SLC13A1: variants seen among roughly 807,000 people sequenced by gnomAD.
The protein encoded by SLC13A1 is solute carrier family 13 member 1, also known as Na(+)/sulfate cotransporter.
In SLC13A1, 65 loss-of-function variants were observed where a neutral mutation model predicts 70.0. The observed-to-expected ratio is 0.93, with a 90% CI of 0.76 to 1.14. The LOEUF is 1.14. SLC13A1 is among the 50% of genes most tolerant of loss of function. The pLI, the probability that SLC13A1 is intolerant of heterozygous loss-of-function variation, is 0.00. For synonymous variants in SLC13A1, 275 were observed against 250.5 expected, an observed-to-expected ratio of 1.10 and a Z score of -0.92; for missense variants, 726 against 717.8, an observed-to-expected ratio of 1.01 and a Z score of -0.13.
chr7:123,146,007 G>C (rs903481515), intron 7 of SLC13A1, among the ~76,000 whole-genome samples: 1 of 152,108 alleles, frequency 6.6e-6, no homozygotes, highest in Non-Finnish European at 1.5e-5. Flanking sequence ...AATTGTGTCT[G>C]TCTTCTTGAA....
At chr7:123,137,268 C>T (rs1388309968) in intron 7 of SLC13A1, among the ~76,000 whole-genome samples, 4 of 152,048 alleles carry the variant, frequency 2.6e-5, no homozygotes, top group Non-Finnish European at 5.9e-5. Flanking sequence ...GGTGTACATG[C>T]CTTGTACGAT....
chr7:123,190,726 T>C (rs1585408973), intron 1 of SLC13A1: 2 of 419,734 alleles, frequency 4.8e-6, no homozygotes, highest in Middle Eastern at 4.4e-4. Flanking sequence ...AGACTCATCT[T>C]TGACATGAAT....
intron 7 of SLC13A1, among the ~76,000 whole-genome samples, chr7:123,141,514 G>T (rs565231494): frequency 6.6e-6 from 1 of 152,024 alleles, no homozygotes; most frequent in African/African-American, 2.4e-5. Flanking sequence ...GGGTGTTGAA[G>T]TCTTTAGCTA....
At chr7:123,193,707 A>G (rs1796075153) in intron 1 of SLC13A1, among the ~76,000 whole-genome samples, 1 of 152,094 alleles carries the variant, frequency 6.6e-6, no homozygotes, top group Non-Finnish European at 1.5e-5. Context: ...ACATTTCTTG[A>G]CCTCTCTGAG....
At chr7:123,132,556 G>A (rs1168195725) in intron 8 of SLC13A1, among the ~76,000 whole-genome samples, 1 of 152,222 alleles carries the variant, frequency 6.6e-6, no homozygotes, top group South Asian at 2.1e-4. Flanking sequence ...ATTTTTAGTA[G>A]AGAAGGGGTT....
intron 10 of SLC13A1, among the ~76,000 whole-genome samples, chr7:123,127,754 G>C (rs539238517): frequency 6.6e-6 from 1 of 150,652 alleles, no homozygotes; most frequent in South Asian, 2.1e-4. Context: ...AGAAGGTTCT[G>C]ATTCAGGGAG....
intron 1 of SLC13A1, 139 bp downstream of exon 1, chr7:123,199,709 G>A: frequency 1.6e-6 from 1 of 621,892 alleles, no homozygotes; most frequent in East Asian, 2.8e-5. Flanking sequence ...AAAACATCAT[G>A]TACAACCATC....
intron 10 of SLC13A1, among the ~76,000 whole-genome samples, chr7:123,126,318 G>C (rs988476085): frequency 6.6e-6 from 1 of 152,128 alleles, no homozygotes; most frequent in African/African-American, 2.4e-5. Flanking sequence ...GCTCACAAAT[G>C]ATCACCATAT....
intron 6 of SLC13A1, among the ~76,000 whole-genome samples, chr7:123,162,784 A>G (rs987024281): frequency 4.6e-5 from 7 of 152,086 alleles, no homozygotes; most frequent in Admixed American, 1.3e-4. Flanking sequence ...AGAACATTAA[A>G]AAGTGTTGTC....
chr7:123,123,176 C>G lies in SLC13A1; in HGVS notation c.1300G>C (p.Asp434His). The change falls in exon 12 of 15, where the codon GAT becomes CAT. Residue 434 changes from aspartate (D) to histidine (H), a missense_variant. Transcript: ENST00000194130. ...WKEFQSFMPWDIAILVGGGFA... is the reference protein window; with the variant it reads ...WKEFQSFMPWHIAILVGGGFA... Reference sequence around the variant, plus strand: ...CCTCCACCAACAAGAATGGCTATATCCCAGGGCATGAATGACTGGAATTCT... The same window carrying G: ...CCTCCACCAACAAGAATGGCTATATGCCAGGGCATGAATGACTGGAATTCT... The G allele has an allele frequency of 6.2e-7, 1 of 1,613,618 alleles. No homozygotes were observed. The highest frequency in any genetic ancestry group is 8.5e-7 in the Non-Finnish European group (1 of 1,179,666).
chr7:123,151,395 T>C (rs930523690), intron 6 of SLC13A1, among the ~76,000 whole-genome samples: 1 of 151,298 alleles, frequency 6.6e-6, no homozygotes, highest in Non-Finnish European at 1.5e-5. Flanking sequence ...TGTATATATA[T>C]ATATATATGT....
intron 7 of SLC13A1, among the ~76,000 whole-genome samples, chr7:123,134,830 G>A (rs903296520): frequency 6.6e-6 from 1 of 152,128 alleles, no homozygotes; most frequent in Non-Finnish European, 1.5e-5. Flanking sequence ...TGGCTTTAAT[G>A]AGTATTAAAT....
At chr7:123,140,689 T>C (rs1009570721) in intron 7 of SLC13A1, among the ~76,000 whole-genome samples, 2 of 152,076 alleles carry the variant, frequency 1.3e-5, no homozygotes, top group Non-Finnish European at 2.9e-5. Flanking sequence ...CCATTTCTTC[T>C]AGGTTTTCTA....
intron 1 of SLC13A1, among the ~76,000 whole-genome samples, chr7:123,196,011 A>C (rs1796165077): frequency 6.6e-6 from 1 of 152,130 alleles, no homozygotes; most frequent in South Asian, 2.1e-4. Flanking sequence ...AATAACTGGA[A>C]AAATAAGTAA....
chr7:123,141,833 T>G (rs537467227), intron 7 of SLC13A1, among the ~76,000 whole-genome samples: 1 of 152,298 alleles, frequency 6.6e-6, no homozygotes, highest in African/African-American at 2.4e-5. Context: ...TGGGTAAGTG[T>G]GTTTCTTGTA....
At chr7:123,150,846 A>G (rs1408464098) in intron 6 of SLC13A1, among the ~76,000 whole-genome samples, 2 of 151,948 alleles carry the variant, frequency 1.3e-5, no homozygotes, top group East Asian at 1.9e-4. Flanking sequence ...TTTGCCTTCC[A>G]TCCTTCCTTA....
intron 1 of SLC13A1, chr7:123,186,871 A>C (rs1795818182): frequency 2.6e-6 from 1 of 392,000 alleles, no homozygotes; most frequent in Non-Finnish European, 5.2e-6. Context: ...TTTATTTATC[A>C]TGAAGGACAT....
At chr7:123,127,940 A>T (rs537586093) in intron 10 of SLC13A1, among the ~76,000 whole-genome samples, 1 of 149,480 alleles carries the variant, frequency 6.7e-6, no homozygotes, top group Non-Finnish European at 1.5e-5. Context: ...TCAGTGAAAG[A>T]TAGATTGGGA....
Position 123,115,411 on chromosome 7 carries a change from C to T in SLC13A1, c.*107G>A. 1.7e-6 allele frequency: 2 copies of T among 1,169,158 alleles called. No individual in the cohort carries two copies. The highest frequency in any genetic ancestry group is 2.5e-6 in the Non-Finnish European group (2 of 815,480). The allele number at this position is 1,169,158 out of a possible 1,614,324, so 72.4% of individuals were successfully genotyped here. On this transcript the variant is annotated 3_prime_UTR_variant, in exon 15 of 15. Transcript: ENST00000194130. ...TTCACAGGAATTGCAGCAGCTACAC[C>T]ATAACTGATTTAAATGTGTGTCATT... is the stretch of plus-strand genomic sequence containing the variant.
Sources: allele counts gnomAD v4.1 joint callset (sites outside exome capture counted in the v4.1 genomes callset), GRCh38; gene constraint gnomAD v4.1.1; transcripts MANE v1.5; gene names NCBI Gene and HGNC (gene_info 2026-07-23, HGNC 2026-07-21).